Variants in TBC1D8 observed in about 807,000 individuals in gnomAD.
The protein encoded by TBC1D8 is BUB2-like protein 1.
In TBC1D8, 65 loss-of-function variants were observed where a neutral mutation model predicts 118.8. The ratio of observed to expected loss-of-function variants is 0.55; its 90% confidence interval spans 0.45 to 0.67. The LOEUF (loss-of-function observed/expected upper bound fraction) is 0.67, where lower values mean the gene tolerates loss of function less well. Ranked by LOEUF, TBC1D8 falls within the 30% of genes least tolerant of loss-of-function variation. The pLI is 0.00. For synonymous variants in TBC1D8, 566 were observed against 595.8 expected (o/e 0.95, Z 0.73); for missense variants, 1,376 against 1,471.2 (o/e 0.94, Z 1.06).
At chr2:101,031,869 G>T (rs1023024359) in intron 11 of TBC1D8, among the ~76,000 whole-genome samples, 2 of 152,042 alleles carry the variant, frequency 1.3e-5, no homozygotes, top group Non-Finnish European at 2.9e-5. Context: ...CTGAGCTACC[G>T]AGAGGCATCC....
At chr2:101,075,538 GC>G (rs769645590) in intron 2 of TBC1D8, among the ~76,000 whole-genome samples, 6 of 152,124 alleles carry the variant, frequency 3.9e-5, no homozygotes, top group Admixed American at 6.5e-5. Flanking sequence ...AATCATGAGG[GC>G]AGTTTCCCAC....
intron 1 of TBC1D8, among the ~76,000 whole-genome samples, chr2:101,125,141 C>T (rs1227893386): frequency 6.6e-6 from 1 of 152,172 alleles, no homozygotes; most frequent in African/African-American, 2.4e-5. Context: ...CTCCTCCGGC[C>T]AACATCACTT....
At chr2:101,021,883 T>C (rs1244043017) in intron 16 of TBC1D8, 137 bp from the exon 17 acceptor site, 2 of 644,386 alleles carry the variant, frequency 3.1e-6, no homozygotes, top group Non-Finnish European at 5.4e-6. Flanking sequence ...ACACACACCA[T>C]GGTAGCAATG....
chr2:101,133,595 T>A (rs1247972396), intron 1 of TBC1D8, among the ~76,000 whole-genome samples: 2 of 152,172 alleles, frequency 1.3e-5, no homozygotes, highest in Non-Finnish European at 2.9e-5. Flanking sequence ...TGCTGTGTCT[T>A]CACAAGGTGG....
At chr2:101,132,138 C>CA (rs2104259125) in intron 1 of TBC1D8, among the ~76,000 whole-genome samples, 1 of 152,340 alleles carries the variant, frequency 6.6e-6, no homozygotes, top group Admixed American at 6.5e-5. Context: ...TGCCAAGACT[C>CA]AGATTCATCT....
At chr2:101,073,280 T>G (rs1181595084) in intron 2 of TBC1D8, among the ~76,000 whole-genome samples, 1 of 145,754 alleles carries the variant, frequency 6.9e-6, no homozygotes, top group East Asian at 2.0e-4. Flanking sequence ...TTTTTTATTT[T>G]ATTTTATTTT....
intron 2 of TBC1D8, among the ~76,000 whole-genome samples, chr2:101,076,979 G>GGGAGCA (rs1414627181): frequency 6.6e-6 from 1 of 152,148 alleles, no homozygotes; most frequent in Non-Finnish European, 1.5e-5. Flanking sequence ...TTCACATGGT[G>GGGAGCA]GGAGCAGGAG....
chr2:101,057,936 T>C (rs1457142997), intron 3 of TBC1D8, among the ~76,000 whole-genome samples: 1 of 152,254 alleles, frequency 6.6e-6, no homozygotes. Context: ...AGTTTTCTTA[T>C]TCTACAGAAG....
At chr2:101,048,816 C>T (rs954744425) in intron 5 of TBC1D8, among the ~76,000 whole-genome samples, 5 of 151,924 alleles carry the variant, frequency 3.3e-5, no homozygotes, top group Non-Finnish European at 7.4e-5. Context: ...GTCATCCAGC[C>T]CAAGTATGGC....
chr2:101,055,186 T>TGG (rs1682347983), intron 3 of TBC1D8, among the ~76,000 whole-genome samples: 1 of 151,348 alleles, frequency 6.6e-6, no homozygotes, highest in African/African-American at 2.4e-5. Context: ...GGCCAGGAGT[T>TGG]TGAGACCAGC....
At chr2:101,128,000 A>G (rs1032078950) in intron 1 of TBC1D8, among the ~76,000 whole-genome samples, 1 of 152,192 alleles carries the variant, frequency 6.6e-6, no homozygotes, top group East Asian at 1.9e-4. Context: ...CCAATTACTC[A>G]TAACATTCTT....
At chr2:101,029,959 C>A (rs1680574083) in intron 11 of TBC1D8, 183 bp from the exon 12 acceptor site, 1 of 567,418 alleles carries the variant, frequency 1.8e-6, no homozygotes, top group Admixed American at 3.3e-5. Flanking sequence ...TAAAAGATAG[C>A]CTTTTTAAAA....
intron 1 of TBC1D8, among the ~76,000 whole-genome samples, chr2:101,131,856 A>C (rs1336520728): frequency 6.6e-6 from 1 of 152,202 alleles, no homozygotes; most frequent in East Asian, 1.9e-4. Context: ...TAGTTGTTCA[A>C]CAAGAAAAGC....
chr2:101,089,250 G>A (rs1675849048), intron 2 of TBC1D8, among the ~76,000 whole-genome samples: 1 of 151,980 alleles, frequency 6.6e-6, no homozygotes, highest in South Asian at 2.1e-4. Flanking sequence ...AGGTGATTTT[G>A]AAAGTTTAAG....
At chr2:101,078,785 T>C (rs1388538139) in intron 2 of TBC1D8, among the ~76,000 whole-genome samples, 3 of 140,264 alleles carry the variant, frequency 2.1e-5, no homozygotes, top group Admixed American at 7.0e-5. Context: ...GGAACAAATA[T>C]GGATAACTAA....
At chr2:101,013,649 TAC>T (rs1679402209) in intron 17 of TBC1D8, among the ~76,000 whole-genome samples, 2 of 152,244 alleles carry the variant, frequency 1.3e-5, no homozygotes, top group African/African-American at 4.8e-5. Context: ...GGACCTTCAT[TAC>T]ACACTGTACA....
chr2:101,131,050 C>T (rs1678569551), intron 1 of TBC1D8, among the ~76,000 whole-genome samples: 1 of 122,692 alleles, frequency 8.2e-6, no homozygotes, highest in African/African-American at 3.3e-5. Context: ...GGAAACCTCA[C>T]CTCTTTATTT....
intron 18 of TBC1D8, 49 bp downstream of exon 18, chr2:101,011,402 C>T (rs1478743327): frequency 1.3e-6 from 2 of 1,592,994 alleles, no homozygotes; most frequent in African/African-American, 1.3e-5. Flanking sequence ...GTGCCTCCCG[C>T]CACTGCAGTG....
chr2:101,038,545 G>C lies in TBC1D8; in HGVS notation c.1191C>G (p.Ser397Arg). Residue 397 changes from serine (S) to arginine (R), a missense_variant, in exon 7 of 20, where the codon AGC (serine) becomes AGG (arginine). By Grantham distance (110) the Ser-to-Arg change is moderately radical. Transcript: ENST00000409318. ...FQFIELRDRD[S>R]LVEALLARLK... is the part of the protein sequence containing the mutation. ...ACCTCGCAAGCAGCGCCTCCACCAG[G>C]CTGTCTCGGTCCCGGAGCTCAATGA... 1.9e-6 allele frequency: 3 copies of C among 1,613,878 alleles called. No individual in the cohort carries two copies. The highest frequency in any genetic ancestry group is 8.5e-7 in the Non-Finnish European group (1 of 1,179,900).
Sources: gnomAD v4.1 joint callset for allele counts (sites outside exome capture counted in the v4.1 genomes callset) on GRCh38, gnomAD v4.1.1 for gene constraint, MANE v1.5 for transcripts, NCBI Gene and HGNC (gene_info 2026-07-23, HGNC 2026-07-21) for gene names.